PEBP4: variants seen among roughly 807,000 people sequenced by gnomAD.
PEBP4 encodes the protein phosphatidylethanolamine binding protein 4.
Under a neutral mutation model 23.9 loss-of-function variants are expected in PEBP4, and 22 were observed. The observed-to-expected ratio is 0.92, with a 90% CI of 0.66 to 1.31. PEBP4 has a LOEUF of 1.31. PEBP4 is among the 40% of genes most tolerant of loss of function. The probability of loss-of-function intolerance (pLI) is 0.00; values close to 1 mark genes in which losing one functional copy is unlikely to be tolerated. For synonymous variants in PEBP4, 112 were observed against 99.3 expected, an observed-to-expected ratio of 1.13 and a Z score of -0.76; for missense variants, 324 against 281.7, an observed-to-expected ratio of 1.15 and a Z score of -1.07.
intron 4 of PEBP4, among the ~76,000 whole-genome samples, chr8:22,746,157 T>C (rs1805111987): frequency 6.6e-6 from 1 of 151,952 alleles, no homozygotes; most frequent in Non-Finnish European, 1.5e-5. Context: ...ACATTTTTGC[T>C]GAAGTACATG....
At chr8:22,848,858 G>A (rs1475916206) in intron 3 of PEBP4, among the ~76,000 whole-genome samples, 2 of 152,208 alleles carry the variant, frequency 1.3e-5, no homozygotes, top group Non-Finnish European at 2.9e-5. Flanking sequence ...AGAACTATCC[G>A]ATAAAGACAA....
intron 2 of PEBP4, 49 bp downstream of exon 2, chr8:22,927,535 C>A: frequency 6.4e-7 from 1 of 1,570,002 alleles, no homozygotes; most frequent in African/African-American, 1.4e-5. Context: ...TGCCATCTAC[C>A]TGCCTGGTAG....
intron 4 of PEBP4, among the ~76,000 whole-genome samples, chr8:22,729,569 C>T (rs1804690107): frequency 6.6e-6 from 1 of 152,212 alleles, no homozygotes; most frequent in Non-Finnish European, 1.5e-5. Flanking sequence ...CATCCTTTCA[C>T]TCTGGGGAGC....
chr8:22,907,730 C>T (rs1443628154), intron 3 of PEBP4, among the ~76,000 whole-genome samples: 2 of 152,080 alleles, frequency 1.3e-5, no homozygotes, highest in African/African-American at 4.8e-5. Flanking sequence ...GCTGGTCTGA[C>T]CTGCAGATGT....
In PEBP4 at chr8:22,743,598, A is replaced by C. The variant is rs111974169; in HGVS notation, c.358-16378T>G. 3.5e-3 allele frequency among the ~76,000 whole-genome samples: 539 copies of C among 152,184 alleles called. 4 individuals are homozygous for C. Among genetic ancestry groups the C allele is most frequent in the African/African-American group, 0.013 (519 of 41,510 alleles). ...CTCCGGAGCTGCCTTTTCCTCCTCCATCCCTTATCTGGTTGAGACAAAGTG... is the reference window on the plus strand; with the variant it reads ...CTCCGGAGCTGCCTTTTCCTCCTCCCTCCCTTATCTGGTTGAGACAAAGTG... On this transcript the variant is annotated intron_variant, in intron 4 of 6. Transcript: ENST00000256404.
chr8:22,854,681 C>T (rs1223870057), intron 3 of PEBP4, among the ~76,000 whole-genome samples: 1 of 152,056 alleles, frequency 6.6e-6, no homozygotes, highest in African/African-American at 2.4e-5. Context: ...ACTGTAATTA[C>T]AGAACATCAA....
chr8:22,940,851 C>G (rs1809603914), intron 1 of PEBP4, among the ~76,000 whole-genome samples: 2 of 152,188 alleles, frequency 1.3e-5, no homozygotes, highest in African/African-American at 4.8e-5. Context: ...TGTCTCCTCT[C>G]TCGTAGCAAA....
intron 1 of PEBP4, among the ~76,000 whole-genome samples, chr8:22,940,280 T>C (rs2128783843): frequency 6.6e-6 from 1 of 152,288 alleles, no homozygotes; most frequent in African/African-American, 2.4e-5. Flanking sequence ...AAGGCCTGCC[T>C]GAAATCAGTG....
At chr8:22,880,913 AGGGCCT>A (rs1808240956) in intron 3 of PEBP4, among the ~76,000 whole-genome samples, 1 of 152,234 alleles carries the variant, frequency 6.6e-6, no homozygotes, top group African/African-American at 2.4e-5. Context: ...GGCCAGGGCC[AGGGCCT>A]GGGCCCTGCT....
At chr8:22,916,679 C>A (rs1254229764) in intron 3 of PEBP4, among the ~76,000 whole-genome samples, 1 of 152,242 alleles carries the variant, frequency 6.6e-6, no homozygotes, top group Non-Finnish European at 1.5e-5. Context: ...TGCATTCATG[C>A]ATTCATGCAT....
intron 4 of PEBP4, among the ~76,000 whole-genome samples, chr8:22,794,217 A>G (rs1806196233): frequency 6.6e-6 from 1 of 152,176 alleles, no homozygotes; most frequent in Non-Finnish European, 1.5e-5. Context: ...TGCCTACTGT[A>G]TACTAGGTAT....
At chr8:22,854,664 T>G (rs1285713581) in intron 3 of PEBP4, among the ~76,000 whole-genome samples, 2 of 152,180 alleles carry the variant, frequency 1.3e-5, no homozygotes, top group Admixed American at 1.3e-4. Flanking sequence ...AGGATTGTTG[T>G]GTATTTACTG....
At chr8:22,776,326 A>C (rs1041190572) in intron 4 of PEBP4, among the ~76,000 whole-genome samples, 1 of 152,154 alleles carries the variant, frequency 6.6e-6, no homozygotes, top group Middle Eastern at 3.2e-3. Context: ...AAAACATGAA[A>C]GTTCTGTAGG....
chr8:22,795,143 G>GTGTATATATATATATA (rs1268855798), intron 4 of PEBP4, among the ~76,000 whole-genome samples: 14 of 49,922 alleles, frequency 2.8e-4, no homozygotes, highest in African/African-American at 8.9e-4. Context: ...ATGTGTGTGT[G>GTGTATATATATATATA]TATATATATA....
In PEBP4 at chr8:22,860,220, A is replaced by G. The variant is rs548236791; in HGVS notation, c.259-42485T>C. Among the ~76,000 whole-genome samples the G allele has an allele frequency of 3.1e-4, 45 of 147,422 alleles. 1 individual carries two copies. The highest frequency in any genetic ancestry group is 1.1e-3 in the African/African-American group (44 of 39,404). ...TATATATATATACACATATATGTAT[A>G]TATATATATGGTGCCAGAATACACA... On this transcript the variant is annotated intron_variant, in intron 3 of 6. Coordinates refer to ENST00000256404, the MANE Select transcript of PEBP4 (RefSeq NM_144962.3).
At chr8:22,910,800 T>TAG (rs1484531238) in intron 3 of PEBP4, among the ~76,000 whole-genome samples, 1 of 152,214 alleles carries the variant, frequency 6.6e-6, no homozygotes, top group Non-Finnish European at 1.5e-5. Flanking sequence ...TGCCAGAGGT[T>TAG]AGAGGGAGGC....
At chr8:22,850,854 G>A (rs1435107317) in intron 3 of PEBP4, among the ~76,000 whole-genome samples, 1 of 152,152 alleles carries the variant, frequency 6.6e-6, no homozygotes, top group Non-Finnish European at 1.5e-5. Context: ...ATTGCAATGT[G>A]ATCCAAGTTT....
intron 5 of PEBP4, 126 bp from the exon 6 acceptor site, chr8:22,725,082 AT>A: frequency 1.5e-6 from 1 of 646,136 alleles, no homozygotes; most frequent in Non-Finnish European, 2.8e-6. Context: ...CCTGCAAAAC[AT>A]TAGGATTTGT....
chr8:22,853,689 C>T (rs1807588850), intron 3 of PEBP4, among the ~76,000 whole-genome samples: 1 of 152,210 alleles, frequency 6.6e-6, no homozygotes, highest in Non-Finnish European at 1.5e-5. Context: ...ATTAGGGATA[C>T]AGAGCTCAAA....
Sources: allele counts gnomAD v4.1 joint callset (sites outside exome capture counted in the v4.1 genomes callset), GRCh38; gene constraint gnomAD v4.1.1; transcripts MANE v1.5; gene names NCBI Gene and HGNC (gene_info 2026-07-23, HGNC 2026-07-21).